The following RBFOX2 variants were observed in gnomAD, a reference collection of about 807,000 sequenced individuals.
The protein encoded by RBFOX2 is RNA binding fox-1 homolog 2.
A neutral mutation model predicts 49.1 loss-of-function variants in RBFOX2; 10 were observed. That is an observed-to-expected ratio of 0.20 (90% confidence interval 0.13 to 0.35). The LOEUF is 0.35. RBFOX2 is among the 10% of genes least tolerant of loss of function. The pLI is 1.00. For synonymous variants in RBFOX2, 183 were observed against 187.4 expected (o/e 0.98, Z 0.19); for missense variants, 323 against 486.9 (o/e 0.66, Z 3.17).
chr22:35,927,650 T>C (rs984184025), intron 1 of RBFOX2, among the ~76,000 whole-genome samples: 21 of 131,260 alleles, frequency 1.6e-4, no homozygotes, highest in African/African-American at 5.5e-4. Flanking sequence ...GTTACTAGGG[T>C]AGTAATGAGA....
Position 35,809,771 on chromosome 22 carries a change from T to C in RBFOX2, c.252+9A>G, listed in dbSNP as rs201728694. ...CATCCTTCCATTTTTCACCTCATGG[T>C]CCACGTACCGTAAGAGATCCATTTT... On this transcript the variant is annotated intron_variant, in intron 2 of 11. Coordinates refer to ENST00000405409, the Ensembl canonical transcript of RBFOX2. The C allele has an allele frequency of 6.2e-7, 1 of 1,612,714 alleles. No homozygotes were observed.
intron 2 of RBFOX2, among the ~76,000 whole-genome samples, chr22:35,806,365 C>G (rs1199925136): frequency 6.6e-6 from 1 of 151,716 alleles, no homozygotes; most frequent in East Asian, 1.9e-4. Context: ...TGTTATATAT[C>G]TAAAATATAC....
chr22:35,950,161 A>C (rs1034312308), intron 1 of RBFOX2, among the ~76,000 whole-genome samples: 1 of 139,192 alleles, frequency 7.2e-6, no homozygotes, highest in Non-Finnish European at 1.5e-5. Context: ...GGTTCCTTAG[A>C]TCTCTCTCCA....
intron 1 of RBFOX2, among the ~76,000 whole-genome samples, chr22:35,948,188 T>G (rs1029758665): frequency 1.1e-4 from 17 of 152,208 alleles, no homozygotes; most frequent in Admixed American, 5.2e-4. Flanking sequence ...GCTGTACAGA[T>G]GTGCAGCCTC....
Position 35,768,494 on chromosome 22 carries a change from C to A in RBFOX2, c.454-145G>T, listed in dbSNP as rs973376597. 9 of 633,116 alleles carry A rather than the reference C, an allele frequency of 1.4e-5. No homozygotes were observed. The African/African-American group carries it at 1.5e-4, about 10-fold the overall frequency. 39.2% of individuals were successfully genotyped at this position (633,116 alleles called of 1,614,324 possible). On this transcript the variant is annotated intron_variant, in intron 4 of 11. Transcript: ENST00000405409. ...AATCTCCCAAAGTCACATTTTTGGTCCATGCATATTTGTAAAGGGAAATTA... is the reference window on the plus strand; with the variant it reads ...AATCTCCCAAAGTCACATTTTTGGTACATGCATATTTGTAAAGGGAAATTA...
chr22:35,903,024 A>C (rs920753706), intron 1 of RBFOX2, among the ~76,000 whole-genome samples: 1 of 152,046 alleles, frequency 6.6e-6, no homozygotes, highest in African/African-American at 2.4e-5. Flanking sequence ...CACTAAATCT[A>C]ATGTTCTATA....
rs559885044 is a variant in RBFOX2 at position 35,806,331 on chromosome 22, A to C, written c.252+3449T>G. Among the ~76,000 whole-genome samples the C allele has an allele frequency of 8.5e-5, 13 of 152,312 alleles. No individual in the cohort carries two copies. In the South Asian group the frequency reaches 2.5e-3, roughly 29 times the overall value. ...AAAAAAAAACAACGTAAGATTGTTT[A>C]AAGTAATAATTATAATAGTGTATTG... On this transcript the variant is annotated intron_variant, in intron 2 of 11. Coordinates refer to ENST00000405409, the Ensembl canonical transcript of RBFOX2.
chr22:35,751,241 A>G (rs1224943994), intron 9 of RBFOX2, among the ~76,000 whole-genome samples: 3 of 152,198 alleles, frequency 2.0e-5, no homozygotes, highest in Admixed American at 6.5e-5. Context: ...GGTTTACATT[A>G]AAACAGGACT....
At chr22:35,828,921 C>T (rs761290403) in intron 1 of RBFOX2, among the ~76,000 whole-genome samples, 1 of 151,804 alleles carries the variant, frequency 6.6e-6, no homozygotes, top group African/African-American at 2.4e-5. Flanking sequence ...CGTGGTGGTA[C>T]GCACCTGTAA....
chr22:35,900,926 C>T (rs1368475968), intron 1 of RBFOX2, among the ~76,000 whole-genome samples: 1 of 152,188 alleles, frequency 6.6e-6, no homozygotes, highest in African/African-American at 2.4e-5. Context: ...GATATGGCTG[C>T]CACTTTCCAG....
chr22:35,834,887 G>C (rs1424034338), intron 1 of RBFOX2, among the ~76,000 whole-genome samples: 1 of 152,168 alleles, frequency 6.6e-6, no homozygotes, highest in East Asian at 1.9e-4. Context: ...GACAAAATCA[G>C]ACTTGCATTT....
At chr22:35,742,523 A>G (rs1048694560) in exon 12 of RBFOX2, 2 of 152,618 alleles carry the variant, frequency 1.3e-5, no homozygotes, top group African/African-American at 4.8e-5. Flanking sequence ...CAGAAGCTCC[A>G]TGTCTCTGAA....
chr22:35,910,502 C>T (rs1172973736), intron 1 of RBFOX2, among the ~76,000 whole-genome samples: 1 of 152,170 alleles, frequency 6.6e-6, no homozygotes, highest in Non-Finnish European at 1.5e-5. Context: ...ATCAGGATAA[C>T]AGAAGTGTGA....
chr22:35,764,479 GA>G (rs1207612551), intron 6 of RBFOX2, among the ~76,000 whole-genome samples: 1 of 151,760 alleles, frequency 6.6e-6, no homozygotes, highest in Non-Finnish European at 1.5e-5. Flanking sequence ...AGCTACTCGG[GA>G]GGCTGAGGGC....
intron 1 of RBFOX2, among the ~76,000 whole-genome samples, chr22:35,850,189 C>T (rs1339299179): frequency 4.8e-5 from 6 of 125,900 alleles, no homozygotes; most frequent in Non-Finnish European, 9.8e-5. Context: ...CTGTCTCTCT[C>T]TCATACACAC....
chr22:35,928,792 T>A (rs766732778), intron 1 of RBFOX2, among the ~76,000 whole-genome samples: 1 of 152,148 alleles, frequency 6.6e-6, no homozygotes, highest in Non-Finnish European at 1.5e-5. Flanking sequence ...AAGACCTGAA[T>A]AGACATCTCA....
In RBFOX2 at chr22:35,904,625, G is replaced by C. The variant is rs541260301; in HGVS notation, c.-34+34222C>G. ...ATAATCATAACGTCAATATGAAAAG[G>C]CAGTTCCAATTTAATCATTTACTTT... On this transcript the variant is annotated intron_variant, in intron 1 of 13. Coordinates refer to the RBFOX2 transcript ENST00000359369. Among the ~76,000 whole-genome samples, 18 of 152,222 alleles carry C rather than the reference G, an allele frequency of 1.2e-4. 1 individual carries two copies. The South Asian group carries it at 3.5e-3, about 30-fold the overall frequency.
intron 1 of RBFOX2, among the ~76,000 whole-genome samples, chr22:35,817,767 G>A (rs1020101896): frequency 6.6e-6 from 1 of 152,076 alleles, no homozygotes; most frequent in African/African-American, 2.4e-5. Flanking sequence ...AACACGACCA[G>A]TACAATCTTG....
chr22:35,784,019 A>G (rs1165028554), intron 2 of RBFOX2, among the ~76,000 whole-genome samples: 2 of 152,200 alleles, frequency 1.3e-5, no homozygotes, highest in Non-Finnish European at 2.9e-5. Flanking sequence ...GGATGCCAGA[A>G]CAGGCTGCTC....
Sources: gnomAD v4.1 joint callset for allele counts (sites outside exome capture counted in the v4.1 genomes callset) on GRCh38, gnomAD v4.1.1 for gene constraint, MANE v1.5 for transcripts, NCBI Gene and HGNC (gene_info 2026-07-23, HGNC 2026-07-21) for gene names.